The following BLZF1 variants were observed in gnomAD, a reference collection of about 807,000 sequenced individuals.
BLZF1 encodes golgin-45.
Under a neutral mutation model 43.8 loss-of-function variants are expected in BLZF1, and 39 were observed. The observed-to-expected ratio is 0.89, with a 90% confidence interval of 0.69 to 1.16. The LOEUF (loss-of-function observed/expected upper bound fraction) is 1.16. Ranked by LOEUF, BLZF1 falls within the 50% of genes most tolerant of loss-of-function variation. The probability of loss-of-function intolerance (pLI) is 0.00; values close to 1 mark genes in which losing one functional copy is unlikely to be tolerated. For synonymous variants in BLZF1, 136 were observed against 159.4 expected, an observed-to-expected ratio of 0.85 and a Z score of 1.11; for missense variants, 449 against 469.8, an observed-to-expected ratio of 0.96 and a Z score of 0.41.
chr1:169,389,522 G>C (rs1225132638), downstream of BLZF1, among the ~76,000 whole-genome samples: 1 of 152,196 alleles, frequency 6.6e-6, no homozygotes, highest in African/African-American at 2.4e-5. Context: ...TTGTTTGTGG[G>C]AATGTAAAAT....
At chr1:169,382,326 CT>C in intron 6 of BLZF1, 45 bp downstream of exon 6, 2 of 1,525,590 alleles carry the variant, frequency 1.3e-6, no homozygotes, top group Admixed American at 1.8e-5. Context: ...TAACACTGTC[CT>C]TTTACTGAAA....
At chr1:169,374,161 T>C (rs1654215468) in intron 2 of BLZF1, among the ~76,000 whole-genome samples, 1 of 150,790 alleles carries the variant, frequency 6.6e-6, no homozygotes, top group Non-Finnish European at 1.5e-5. Context: ...AGCCTAGGAT[T>C]TCAAGACCAT....
chr1:169,374,216 A>T (rs1654218555), intron 2 of BLZF1, among the ~76,000 whole-genome samples: 1 of 151,720 alleles, frequency 6.6e-6, no homozygotes, highest in African/African-American at 2.4e-5. Context: ...AAAAAAAAAA[A>T]ATACAAAAAA....
At chr1:169,383,910 A>G (rs1329242531) in intron 6 of BLZF1, among the ~76,000 whole-genome samples, 1 of 152,098 alleles carries the variant, frequency 6.6e-6, no homozygotes, top group East Asian at 1.9e-4. Flanking sequence ...TTTACATAAC[A>G]TACTTTCTCT....
At chr1:169,388,498 C>T (rs114778133), downstream of BLZF1, among the ~76,000 whole-genome samples, 3,089 of 152,088 alleles carry the variant, frequency 0.02, 68 homozygotes, top group Admixed American at 0.069. Flanking sequence ...AACAGAAGCA[C>T]AGGCAACAAA....
At chr1:169,374,931 A>T (rs1282830694) in intron 2 of BLZF1, among the ~76,000 whole-genome samples, 2 of 152,114 alleles carry the variant, frequency 1.3e-5, no homozygotes, top group Admixed American at 6.6e-5. Flanking sequence ...AATATAAATC[A>T]TAGGTATTGA....
chr1:169,394,851 TAA>T, intron 7 of BLZF1: 1 of 416,084 alleles, frequency 2.4e-6, no homozygotes. Context: ...TTGCACAGAC[TAA>T]GAGATGGCAC....
At chr1:169,394,481 C>T (rs749914279) in intron 7 of BLZF1, among the ~76,000 whole-genome samples, 1 of 152,116 alleles carries the variant, frequency 6.6e-6, no homozygotes, top group East Asian at 1.9e-4. Flanking sequence ...TCCCTTCCCT[C>T]ACCCCCAGGA....
chr1:169,376,481 AGCATTTTCTTG>A, intron 2 of BLZF1, 48 bp from the exon 3 acceptor site: 1 of 1,459,088 alleles, frequency 6.9e-7, no homozygotes, highest in East Asian at 2.3e-5. Context: ...AGCATGTATT[AGCATTTTCTTG>A]GCATTTCTTC....
intron 6 of BLZF1, among the ~76,000 whole-genome samples, chr1:169,386,784 A>G (rs1654686209): frequency 7.0e-6 from 1 of 142,540 alleles, no homozygotes; most frequent in South Asian, 2.1e-4. Flanking sequence ...TTAAAAAAAT[A>G]TGTAACCTAG....
At chr1:169,369,334 G>C in intron 1 of BLZF1, 139 bp from the exon 2 acceptor site, 1 of 465,570 alleles carries the variant, frequency 2.1e-6, no homozygotes, top group Non-Finnish European at 3.9e-6. Flanking sequence ...TGTGAGAATG[G>C]GATATAAGGG....
chr1:169,372,886 A>G (rs1451919187), intron 2 of BLZF1, among the ~76,000 whole-genome samples: 1 of 152,130 alleles, frequency 6.6e-6, no homozygotes. Flanking sequence ...AATCAGTTTG[A>G]TAATAGTGGA....
At chr1:169,385,240 C>T (rs1654634850) in intron 6 of BLZF1, among the ~76,000 whole-genome samples, 1 of 152,174 alleles carries the variant, frequency 6.6e-6, no homozygotes, top group Non-Finnish European at 1.5e-5. Context: ...ACCACATTCT[C>T]CTATTTAACA....
intron 7 of BLZF1, chr1:169,395,065 A>T: frequency 6.3e-7 from 1 of 1,597,480 alleles, no homozygotes; most frequent in African/African-American, 1.4e-5. Flanking sequence ...AATGATCAGT[A>T]AAACGAAAAG....
chr1:169,380,642 G>C, intron 5 of BLZF1, 33 bp downstream of exon 5: 2 of 1,601,716 alleles, frequency 1.2e-6, no homozygotes, highest in African/African-American at 2.7e-5. Flanking sequence ...GAACTCTTCT[G>C]CTTTCTCCTG....
At chr1:169,378,580 G>A (rs1654437443) in intron 4 of BLZF1, 51 bp downstream of exon 4, 2 of 1,560,422 alleles carry the variant, frequency 1.3e-6, no homozygotes, top group African/African-American at 1.4e-5. Flanking sequence ...GCTCCATCAG[G>A]TTTTTGATCT....
chr1:169,380,258 C>G (rs923916141), intron 4 of BLZF1, among the ~76,000 whole-genome samples: 2 of 151,846 alleles, frequency 1.3e-5, no homozygotes, highest in African/African-American at 2.4e-5. Context: ...ATAACTCTTG[C>G]CTTTGTCATT....
intron 2 of BLZF1, among the ~76,000 whole-genome samples, chr1:169,374,557 G>A (rs562169135): frequency 6.8e-4 from 104 of 152,034 alleles, no homozygotes; most frequent in Non-Finnish European, 1.3e-3. Context: ...AAAATGTTTT[G>A]TAAAATAGAA....
At position 169,380,603 on chromosome 1, in the gene BLZF1, C is replaced by G. The variant is rs1654493385; in HGVS notation, c.791C>G (p.Thr264Ser). The G allele has an allele frequency of 6.2e-7, 1 of 1,612,486 alleles. No individual in the cohort carries two copies. The highest frequency in any genetic ancestry group is 8.5e-7 in the Non-Finnish European group (1 of 1,178,828). ...CAGTTTCGTCAAGAAATGATAGCTA[C>G]CCAGAAGTATGGCACTTGTTTACAT... ...REQFRQEMIATQKLLEELLVS... is the reference protein window; with the variant it reads ...REQFRQEMIASQKLLEELLVS... The change falls in exon 5 of 7, where the codon ACC (threonine) becomes AGC (serine). Residue 264 changes from threonine (T) to serine (S), a missense_variant. Coordinates refer to ENST00000367808, the MANE Select transcript of BLZF1 (RefSeq NM_001320973.2).
Sources: gnomAD v4.1 joint callset for allele counts (sites outside exome capture counted in the v4.1 genomes callset) on GRCh38, gnomAD v4.1.1 for gene constraint, MANE v1.5 for transcripts, NCBI Gene and HGNC (gene_info 2026-07-23, HGNC 2026-07-21) for gene names.